COPA: variants seen among roughly 807,000 people sequenced by gnomAD.
The protein encoded by COPA is coatomer subunit alpha.
COPA carries 10 observed loss-of-function variants against 158.7 expected under a neutral mutation model. The observed-to-expected ratio is 0.06, with a 90% CI of 0.04 to 0.11. The LOEUF is 0.11. Ranked by LOEUF, COPA falls within the 10% of genes least tolerant of loss-of-function variation. COPA has a pLI of 1.00. For missense variants in COPA, 1,065 were observed against 1,536.7 expected, an observed-to-expected ratio of 0.69 and a Z score of 5.13; for synonymous variants, 462 against 542.8, an observed-to-expected ratio of 0.85 and a Z score of 2.07.
chr1:160,318,468 TAAAAAAAAAAAAAAAAAAAAAAACAA>T (rs746048726), intron 8 of COPA, among the ~76,000 whole-genome samples: 9 of 15,672 alleles, frequency 5.7e-4, no homozygotes, highest in Non-Finnish European at 9.2e-4. Flanking sequence ...ACAATATTTG[TAAAAAAAAAAAAAAAAAAAAAAACAA>T]AAAAAAAAAA....
At chr1:160,327,483 C>T (rs533527433) in intron 6 of COPA, among the ~76,000 whole-genome samples, 7 of 147,496 alleles carry the variant, frequency 4.7e-5, no homozygotes, top group Admixed American at 6.8e-5. Flanking sequence ...CTGGGGGGGG[C>T]GCAGCGCGGA....
chr1:160,300,842 G>A (rs1010247861), intron 17 of COPA, among the ~76,000 whole-genome samples: 7 of 152,160 alleles, frequency 4.6e-5, no homozygotes, highest in African/African-American at 1.7e-4. Flanking sequence ...AAATCAGCTG[G>A]GCACAGTGGC....
At chr1:160,312,040 A>C (rs1658984859) in intron 10 of COPA, 22 bp from the exon 11 acceptor site, 1 of 1,607,064 alleles carries the variant, frequency 6.2e-7, no homozygotes, top group Non-Finnish European at 8.5e-7. Context: ...GGAGAGGAGG[A>C]GAAAAAATTA....
intron 28 of COPA, 116 bp downstream of exon 28, chr1:160,292,368 C>A (rs1658269057): frequency 6.3e-7 from 1 of 1,580,990 alleles, no homozygotes; most frequent in Non-Finnish European, 8.6e-7. Flanking sequence ...AACCAAAGAT[C>A]TTTTTCTACT....
At chr1:160,295,078 C>T (rs187673257) in intron 23 of COPA, among the ~76,000 whole-genome samples, 2,996 of 152,292 alleles carry the variant, frequency 0.02, 37 homozygotes, top group Non-Finnish European at 0.031. Context: ...AGGAACTGGC[C>T]TTCCTGCTAC....
intron 7 of COPA, among the ~76,000 whole-genome samples, chr1:160,323,921 G>A (rs1162786296): frequency 6.6e-6 from 1 of 152,090 alleles, no homozygotes; most frequent in Non-Finnish European, 1.5e-5. Flanking sequence ...GAGTGCAGTG[G>A]CACGATCTCA....
intron 4 of COPA, among the ~76,000 whole-genome samples, chr1:160,334,160 G>A (rs1417761489): frequency 1.3e-5 from 2 of 152,074 alleles, no homozygotes; most frequent in African/African-American, 4.8e-5. Context: ...TAGCCTTTTT[G>A]GAGTCTATAA....
intron 8 of COPA, among the ~76,000 whole-genome samples, chr1:160,316,313 G>T (rs567120277): frequency 9.2e-5 from 14 of 151,514 alleles, no homozygotes; most frequent in Non-Finnish European, 1.8e-4. Context: ...AGCTGAGATT[G>T]TACCATTGCA....
At chr1:160,307,521 C>A (rs771491745) in intron 13 of COPA, among the ~76,000 whole-genome samples, 2 of 152,242 alleles carry the variant, frequency 1.3e-5, no homozygotes, top group Non-Finnish European at 2.9e-5. Flanking sequence ...AAGGGCCGCC[C>A]ATCTTGGGAG....
chr1:160,337,510 G>A (rs551341110), intron 3 of COPA, among the ~76,000 whole-genome samples: 13 of 152,106 alleles, frequency 8.5e-5, no homozygotes, highest in African/African-American at 1.9e-4. Flanking sequence ...ACCCGAGGTC[G>A]GGAGTTCAAG....
chr1:160,297,331 T>G lies in COPA; in HGVS notation c.2263+12A>C, dbSNP rs748204379. ...CAGACCCTGAAAAAGCTGGCAAGTC[T>G]CGGATACTTACTCTGTCCACAGTTC... On this transcript the variant is annotated intron_variant, in intron 21 of 32. Transcript: ENST00000241704. The G allele has an allele frequency of 6.2e-6, 10 of 1,612,692 alleles. No homozygotes were observed. Among genetic ancestry groups the G allele is most frequent in the East Asian group, 4.5e-5 (2 of 44,876 alleles).
intron 7 of COPA, among the ~76,000 whole-genome samples, chr1:160,324,285 CTTT>C (rs750360211): frequency 4.9e-5 from 5 of 102,350 alleles, no homozygotes; most frequent in Non-Finnish European, 6.2e-5. Flanking sequence ...CTTCTTCATT[CTTT>C]TTTTTTTTTT....
Position 160,307,190 on chromosome 1 carries a change from C to A in COPA, c.1275G>T (p.Arg425=), listed in dbSNP as rs1658816201. 2 of 1,614,222 alleles carry A rather than the reference C, an allele frequency of 1.2e-6. No homozygotes were observed. Among genetic ancestry groups the A allele is most frequent in the Admixed American group, 1.7e-5 (1 of 60,026 alleles). Residue 425 remains arginine, a synonymous_variant, in exon 14 of 33, where the codon CGG becomes CGT. Coordinates refer to ENST00000241704, the MANE Select transcript of COPA (RefSeq NM_004371.4). ...GLTAVWVARN[R]FAVLDRMHSL... is the part of the protein sequence containing the mutation. ...AATGCATCCGATCTAGGACAGCAAA[C>A]CGATTTCGAGCGACCCAAACGGCTG...
At chr1:160,293,136 C>T in intron 27 of COPA, 30 bp downstream of exon 27, 1 of 1,611,958 alleles carries the variant, frequency 6.2e-7, no homozygotes, top group Non-Finnish European at 8.5e-7. Flanking sequence ...GGGCTAGGCA[C>T]ACTCAAGAGG....
At chr1:160,316,051 A>G (rs1200777854) in intron 8 of COPA, among the ~76,000 whole-genome samples, 3 of 152,230 alleles carry the variant, frequency 2.0e-5, no homozygotes, top group Non-Finnish European at 2.9e-5. Flanking sequence ...GAGCTCGAAG[A>G]CTGGCTGTTT....
rs1557858306 is a variant in COPA at position 160,289,479 on chromosome 1, A to G, written c.*678T>C. 6.6e-6 allele frequency: 1 copy of G among 152,212 alleles called. No individual in the cohort carries two copies. The highest frequency in any genetic ancestry group is 1.5e-5 in the Non-Finnish European group (1 of 68,036). The allele number at this position is 152,212 out of a possible 1,614,324, so 9.4% of individuals were successfully genotyped here. On this transcript the variant is annotated 3_prime_UTR_variant, in exon 33 of 33. Coordinates refer to ENST00000241704, the MANE Select transcript of COPA (RefSeq NM_004371.4). ...AGTTGGTGTGGCCTAGTCACACCAA[A>G]ATGTATTTATTACATCCTGCTCCTT... is the stretch of plus-strand genomic sequence containing the variant.
In COPA at chr1:160,294,415, G is replaced by T. The variant is rs1658335259; in HGVS notation, c.2676+69C>A. On this transcript the variant is annotated intron_variant, in intron 25 of 32. Coordinates refer to ENST00000241704, the MANE Select transcript of COPA (RefSeq NM_004371.4). ...AGGAGACCTGAGGATAGTGGTAGGG[G>T]ACAATAAGGCCTCTGGCTTCCACAG... 9 of 1,342,316 alleles carry T rather than the reference G, an allele frequency of 6.7e-6. No individual in the cohort carries two copies. The Admixed American group carries it at 1.2e-4, about 18-fold the overall frequency. The allele number at this position is 1,342,316 out of a possible 1,614,324, so 83.2% of individuals were successfully genotyped here.
At chr1:160,293,064 T>C in intron 27 of COPA, 102 bp downstream of exon 27, 1 of 1,156,526 alleles carries the variant, frequency 8.6e-7, no homozygotes, top group Non-Finnish European at 1.3e-6. Context: ...TATACACCTT[T>C]CCCCTTATGG....
chr1:160,306,048 G>A (rs537392151), intron 15 of COPA: 3 of 568,852 alleles, frequency 5.3e-6, no homozygotes, highest in Non-Finnish European at 9.3e-6. Flanking sequence ...TGGACTGCAA[G>A]CTCCCTTAAA....
Sources: allele counts gnomAD v4.1 joint callset (sites outside exome capture counted in the v4.1 genomes callset), GRCh38; gene constraint gnomAD v4.1.1; transcripts MANE v1.5; gene names NCBI Gene and HGNC (gene_info 2026-07-23, HGNC 2026-07-21).